Variants in DCDC2C observed in about 807,000 individuals in gnomAD.
DCDC2C encodes doublecortin domain containing 2C.
A neutral mutation model predicts 45.0 loss-of-function variants in DCDC2C; 44 were observed. The observed-to-expected ratio is 0.98, with a 90% CI of 0.77 to 1.26. DCDC2C has a LOEUF of 1.26. Ranked by LOEUF, DCDC2C falls within the 50% of genes most tolerant of loss-of-function variation. DCDC2C has a pLI of 0.00. For synonymous variants in DCDC2C, 187 were observed against 178.8 expected, an observed-to-expected ratio of 1.05 and a Z score of -0.37; for missense variants, 447 against 468.9, an observed-to-expected ratio of 0.95 and a Z score of 0.43.
intron 10 of DCDC2C, among the ~76,000 whole-genome samples, chr2:3,838,370 A>G (rs1325443765): frequency 1.3e-5 from 2 of 152,060 alleles, no homozygotes; most frequent in African/African-American, 4.8e-5. Context: ...CAGGATCATC[A>G]GATATGATGA....
chr2:3,727,576 A>AT (rs1668730413), intron 3 of DCDC2C, among the ~76,000 whole-genome samples: 1 of 152,226 alleles, frequency 6.6e-6, no homozygotes, highest in African/African-American at 2.4e-5. Context: ...AACGGAGTGC[A>AT]TTAGAGCCTC....
At chr2:3,815,149 C>T (rs908974850) in intron 10 of DCDC2C, among the ~76,000 whole-genome samples, 4 of 152,224 alleles carry the variant, frequency 2.6e-5, no homozygotes, top group African/African-American at 7.2e-5. Context: ...GATTGGTACG[C>T]TAGGTCCCAG....
At chr2:3,824,357 G>A (rs984967294) in intron 10 of DCDC2C, among the ~76,000 whole-genome samples, 1 of 152,184 alleles carries the variant, frequency 6.6e-6, no homozygotes, top group African/African-American at 2.4e-5. Flanking sequence ...ACTCAACTCT[G>A]TTTTATTGCA....
intron 2 of DCDC2C, among the ~76,000 whole-genome samples, chr2:3,717,955 A>T (rs1668390844): frequency 6.6e-6 from 1 of 152,084 alleles, no homozygotes; most frequent in Admixed American, 6.5e-5. Flanking sequence ...CTTTCTCCCT[A>T]GTGAGGGTCA....
At chr2:3,778,908 T>C in intron 9 of DCDC2C, 24 bp downstream of exon 9, 1 of 1,548,108 alleles carries the variant, frequency 6.5e-7, no homozygotes, top group African/African-American at 1.4e-5. Flanking sequence ...ATTTTGTGTT[T>C]AATGGCTTGG....
At position 3,733,330 on chromosome 2, in the gene DCDC2C, T is replaced by TTTTG. The variant is rs528486292; in HGVS notation, c.416+6252_416+6253insTTGT. Among the ~76,000 whole-genome samples the TTTTG allele has an allele frequency of 7.1e-4, 108 of 152,362 alleles. 2 individuals are homozygous for TTTTG. In the East Asian group the frequency reaches 0.019, roughly 27 times the overall value. ...GCTAAAAGCTAAAGTGTTCAAGCCA[T>TTTTG]TGTTTGTCCAGTATGTCCTGCATTT... On this transcript the variant is annotated intron_variant, in intron 3 of 10. Transcript: ENST00000399143.
chr2:3,813,064 TATA>T (rs1314214736), intron 10 of DCDC2C, among the ~76,000 whole-genome samples: 662 of 33,234 alleles, frequency 0.02, 7 homozygotes, highest in South Asian at 0.055. Flanking sequence ...TATATATATA[TATA>T]TTTTTTTTTT....
chr2:3,765,297 T>C (rs901903995), intron 6 of DCDC2C, among the ~76,000 whole-genome samples: 5 of 152,206 alleles, frequency 3.3e-5, no homozygotes, highest in African/African-American at 9.7e-5. Context: ...CACGCACATA[T>C]TGAGAGCTGA....
intron 7 of DCDC2C, 120 bp from the exon 8 acceptor site, chr2:3,769,191 G>T (rs1670094152): frequency 1.2e-6 from 1 of 851,036 alleles, no homozygotes; most frequent in South Asian, 1.7e-5. Context: ...TGCAGACCAG[G>T]TGGCCTGCCC....
chr2:3,757,032 G>A (rs895899013), intron 6 of DCDC2C, among the ~76,000 whole-genome samples: 1 of 152,206 alleles, frequency 6.6e-6, no homozygotes, highest in African/African-American at 2.4e-5. Flanking sequence ...GTCTGCATCT[G>A]TAAAGATGTA....
intron 10 of DCDC2C, among the ~76,000 whole-genome samples, chr2:3,790,637 G>GT (rs1670779136): frequency 6.6e-6 from 1 of 152,070 alleles, no homozygotes; most frequent in South Asian, 2.1e-4. Context: ...TATCTTTACT[G>GT]TTTTTTCTCT....
intron 10 of DCDC2C, among the ~76,000 whole-genome samples, chr2:3,823,770 A>AT: frequency 6.6e-6 from 1 of 151,904 alleles, no homozygotes; most frequent in South Asian, 2.1e-4. Context: ...ATCTTTTTGA[A>AT]TTTTTTTGAA....
intron 6 of DCDC2C, among the ~76,000 whole-genome samples, chr2:3,763,233 C>G (rs1379240832): frequency 6.6e-6 from 1 of 152,128 alleles, no homozygotes; most frequent in Admixed American, 6.5e-5. Flanking sequence ...AGATCCCTCC[C>G]TGTCTGAAGT....
chr2:3,844,404 C>A (rs1171053939), intron 10 of DCDC2C: 3 of 151,830 alleles, frequency 2.0e-5, no homozygotes, highest in African/African-American at 7.3e-5. Flanking sequence ...ATGCCGGAGT[C>A]CCCCACGCAG....
intron 8 of DCDC2C, among the ~76,000 whole-genome samples, chr2:3,772,709 C>T (rs923763468): frequency 2.0e-5 from 3 of 152,082 alleles, no homozygotes; most frequent in African/African-American, 7.2e-5. Flanking sequence ...TAATTGTTTT[C>T]TTATTAATTT....
intron 10 of DCDC2C, chr2:3,844,349 A>C (rs1033338772): frequency 2.0e-5 from 3 of 151,954 alleles, no homozygotes; most frequent in Non-Finnish European, 4.4e-5. Flanking sequence ...GGAGTCCCCC[A>C]CACAGCTGTC....
chr2:3,815,917 C>T (rs1572638020), intron 10 of DCDC2C, among the ~76,000 whole-genome samples: 1 of 152,188 alleles, frequency 6.6e-6, no homozygotes, highest in African/African-American at 2.4e-5. Flanking sequence ...TTAGCTTGGG[C>T]TCAGAGACCT....
At chr2:3,747,405 T>A (rs550799603) in intron 4 of DCDC2C, among the ~76,000 whole-genome samples, 1 of 152,278 alleles carries the variant, frequency 6.6e-6, no homozygotes, top group East Asian at 1.9e-4. Flanking sequence ...ACTATCCTGA[T>A]TAGGAAAGAG....
At chr2:3,771,876 A>G (rs966671845) in intron 8 of DCDC2C, among the ~76,000 whole-genome samples, 4 of 152,212 alleles carry the variant, frequency 2.6e-5, no homozygotes, top group African/African-American at 9.6e-5. Flanking sequence ...AGGTGCGTAT[A>G]TCCGTGTCGT....
Sources: gnomAD v4.1 joint callset for allele counts (sites outside exome capture counted in the v4.1 genomes callset) on GRCh38, gnomAD v4.1.1 for gene constraint, MANE v1.5 for transcripts, NCBI Gene and HGNC (gene_info 2026-07-23, HGNC 2026-07-21) for gene names.